PRKCZ: variants seen among roughly 807,000 people sequenced by gnomAD.
PRKCZ encodes protein kinase C zeta type.
In PRKCZ, 33 loss-of-function variants were observed where a neutral mutation model predicts 79.5. The observed-to-expected ratio is 0.41, with a 90% confidence interval of 0.31 to 0.55. The LOEUF (loss-of-function observed/expected upper bound fraction) is 0.55, where lower values mean the gene tolerates loss of function less well. PRKCZ is among the 20% of genes least tolerant of loss of function. The pLI is 0.19. For synonymous variants in PRKCZ, 342 were observed against 320.9 expected, an observed-to-expected ratio of 1.07 and a Z score of -0.70; for missense variants, 578 against 813.5, an observed-to-expected ratio of 0.71 and a Z score of 3.52.
chr1:2,175,862 G>C (rs1195314916), intron 16 of PRKCZ, among the ~76,000 whole-genome samples: 1 of 152,168 alleles, frequency 6.6e-6, no homozygotes, highest in Non-Finnish European at 1.5e-5. Context: ...GTGCCGCCAG[G>C]AGCTAGCGGC....
At chr1:2,051,969 G>T (rs975695158) in intron 1 of PRKCZ, among the ~76,000 whole-genome samples, 1 of 152,146 alleles carries the variant, frequency 6.6e-6, no homozygotes, top group Admixed American at 6.5e-5. Flanking sequence ...GGGACTGACC[G>T]TCCAGCCCTA....
At chr1:2,095,886 T>A in intron 4 of PRKCZ, among the ~76,000 whole-genome samples, 1 of 67,966 alleles carries the variant, frequency 1.5e-5, no homozygotes. Flanking sequence ...TCCCCTCCCC[T>A]CCTTTCCCCT....
intron 11 of PRKCZ, chr1:2,171,488 C>A (rs1421677186): frequency 6.6e-6 from 1 of 152,078 alleles, no homozygotes; most frequent in Middle Eastern, 3.4e-3. Context: ...GCCTCAGCCC[C>A]CAGAGTAGCT....
At chr1:2,117,998 C>CCTTTTTTTT (rs58233626) in intron 4 of PRKCZ, among the ~76,000 whole-genome samples, 26,743 of 61,670 alleles carry the variant, frequency 0.43, 6,873 homozygotes, top group African/African-American at 0.5. Flanking sequence ...CCTATTATTT[C>CCTTTTTTTT]TTTTTTTTTT....
At chr1:2,156,117 A>G (rs772991168) in intron 10 of PRKCZ, 25 bp downstream of exon 10, 1 of 1,582,680 alleles carries the variant, frequency 6.3e-7, no homozygotes, top group African/African-American at 1.3e-5. Context: ...GGTATTTCTG[A>G]TATTCTGCAG....
At chr1:2,085,767 C>T (rs1306260198) in intron 4 of PRKCZ, among the ~76,000 whole-genome samples, 1 of 150,564 alleles carries the variant, frequency 6.6e-6, no homozygotes, top group Non-Finnish European at 1.5e-5. Context: ...GTCGGGGGGC[C>T]CTGTTCTCAG....
intron 5 of PRKCZ, 41 bp from the exon 6 acceptor site, chr1:2,144,169 C>T (rs1427227128): frequency 1.3e-6 from 2 of 1,545,276 alleles, no homozygotes; most frequent in Non-Finnish European, 8.8e-7. Flanking sequence ...CCGCTGGCCC[C>T]TCAGTGTGGC....
intron 4 of PRKCZ, among the ~76,000 whole-genome samples, chr1:2,088,057 T>C (rs1557529056): frequency 6.6e-6 from 1 of 152,218 alleles, no homozygotes. Context: ...ATAGCGGCTT[T>C]CTCTGCTGTG....
At chr1:2,054,770 C>T (rs57406510) in intron 1 of PRKCZ, among the ~76,000 whole-genome samples, 13 of 152,146 alleles carry the variant, frequency 8.5e-5, no homozygotes, top group South Asian at 2.1e-4. Context: ...CGACCCGGCT[C>T]GCGCCCATCC....
chr1:2,055,501 G>C lies in PRKCZ; in HGVS notation c.132G>C (p.Val44=). 1 of 1,614,124 alleles carries C rather than the reference G, an allele frequency of 6.2e-7. No individual in the cohort carries two copies. The highest frequency in any genetic ancestry group is 1.3e-5 in the African/African-American group (1 of 75,052). ...ATTFEELCEE[V]RDMCRLHQQH... ...CCTTCGAGGAGCTCTGTGAGGAAGTGAGAGACATGTGTCGTCTGCACCAGC... is the reference window on the plus strand; with the variant it reads ...CCTTCGAGGAGCTCTGTGAGGAAGTCAGAGACATGTGTCGTCTGCACCAGC... Residue 44 remains valine (V), a synonymous_variant, in exon 2 of 18, where the codon GTG becomes GTC. Coordinates refer to ENST00000378567, the MANE Select transcript of PRKCZ (RefSeq NM_002744.6).
chr1:2,060,072 T>G (rs1437522235), intron 4 of PRKCZ, among the ~76,000 whole-genome samples: 2 of 152,204 alleles, frequency 1.3e-5, no homozygotes, highest in Admixed American at 1.3e-4. Context: ...CCTCACTTCC[T>G]ACTGCATCCC....
chr1:2,133,917 C>G (rs1320165993), intron 4 of PRKCZ: 1 of 152,294 alleles, frequency 6.6e-6, no homozygotes, highest in Non-Finnish European at 1.5e-5. Context: ...ACCCGACCCC[C>G]TCAGGGCTGA....
chr1:2,100,974 G>A (rs1213592143), intron 4 of PRKCZ, among the ~76,000 whole-genome samples: 1 of 148,068 alleles, frequency 6.8e-6, no homozygotes, highest in Non-Finnish European at 1.5e-5. Flanking sequence ...TCCTGTGTCT[G>A]ACTTTCTCTA....
At chr1:2,158,656 T>G (rs262653) in intron 10 of PRKCZ, among the ~76,000 whole-genome samples, 59,283 of 152,098 alleles carry the variant, frequency 0.39, 11,611 homozygotes, top group Admixed American at 0.42. Context: ...GCTTTGGTTC[T>G]TCTTCATATG....
At position 2,150,922 on chromosome 1, in the gene PRKCZ, A is replaced by T. The variant is rs1679764067; in HGVS notation, c.820A>T (p.Asn274Tyr). 6.2e-7 allele frequency: 1 copy of T among 1,614,018 alleles called. No homozygotes were observed. The highest frequency in any genetic ancestry group is 8.5e-7 in the Non-Finnish European group (1 of 1,180,040). ...GGTTCTCCTGGTGCGGTTGAAGAAG[A>T]ATGACCAAATTTACGCCATGAAAGT... is the stretch of plus-strand genomic sequence containing the variant. ...AKVLLVRLKKNDQIYAMKVVK... is the reference protein window; with the variant it reads ...AKVLLVRLKKYDQIYAMKVVK... Residue 274 changes from asparagine to tyrosine, a missense_variant, in exon 9 of 18, where the codon AAT becomes TAT. Transcript: ENST00000378567.
chr1:2,182,278 T>C lies in PRKCZ; in HGVS notation c.1576-2305T>C, dbSNP rs1572056085. On this transcript the variant is annotated intron_variant, in intron 16 of 17. Transcript: ENST00000378567. ...GGGGCTGCACCTGGGAGCCTCGAGC[T>C]GAGGCCCAGCCCCTCCTGCCCTGCA... The C allele has an allele frequency of 5.7e-5, 10 of 174,286 alleles. No individual in the cohort carries two copies. In the South Asian group the frequency reaches 1.2e-3, roughly 20 times the overall value. 10.8% of individuals were successfully genotyped at this position (174,286 alleles called of 1,614,324 possible).
At chr1:2,154,358 C>T (rs1355598433) in intron 9 of PRKCZ, among the ~76,000 whole-genome samples, 2 of 152,192 alleles carry the variant, frequency 1.3e-5, no homozygotes, top group Non-Finnish European at 2.9e-5. Flanking sequence ...GAAGCCACTC[C>T]ATTGGATCTG....
chr1:2,074,511 A>C (rs1209797569), intron 4 of PRKCZ, among the ~76,000 whole-genome samples: 1 of 152,044 alleles, frequency 6.6e-6, no homozygotes, highest in African/African-American at 2.4e-5. Flanking sequence ...GATTGATGAG[A>C]CCACGGGTGA....
At chr1:2,078,970 G>A (rs1343210510) in intron 4 of PRKCZ, among the ~76,000 whole-genome samples, 1 of 151,988 alleles carries the variant, frequency 6.6e-6, no homozygotes, top group Non-Finnish European at 1.5e-5. Context: ...AGCCTCCTGA[G>A]TAGCTGGGAC....
Sources: allele counts gnomAD v4.1 joint callset (sites outside exome capture counted in the v4.1 genomes callset), GRCh38; gene constraint gnomAD v4.1.1; transcripts MANE v1.5; gene names NCBI Gene and HGNC (gene_info 2026-07-23, HGNC 2026-07-21).